TSGA10IP: variants seen among roughly 807,000 people sequenced by gnomAD.
TSGA10IP encodes testis-specific protein 10-interacting protein.
In TSGA10IP, 64 loss-of-function variants were observed where a neutral mutation model predicts 63.2. That is an observed-to-expected ratio of 1.01 (90% CI 0.83 to 1.25). The LOEUF is 1.25. TSGA10IP is among the 50% of genes most tolerant of loss of function. The pLI is 0.00. For missense variants in TSGA10IP, 681 were observed against 710.1 expected (o/e 0.96, Z 0.47); for synonymous variants, 316 against 298.3 (o/e 1.06, Z -0.61).
intron 5 of TSGA10IP, among the ~76,000 whole-genome samples, chr11:65,956,144 T>TTA (rs200569827): frequency 0.37 from 54,777 of 149,612 alleles, 11,854 homozygotes; most frequent in Admixed American, 0.54. Context: ...TCTTTTTTTT[T>TTA]TTTTTTTTTT....
At position 65,954,133 on chromosome 11, in the gene TSGA10IP, G is replaced by A. The variant is rs535423242; in HGVS notation, c.1322+396G>A. Among the ~76,000 whole-genome samples the A allele has an allele frequency of 1.1e-3, 167 of 151,954 alleles. 1 individual carries two copies. Among genetic ancestry groups the A allele is most frequent in the African/African-American group, 3.9e-3 (162 of 41,464 alleles). On this transcript the variant is annotated intron_variant, in intron 5 of 7. Coordinates refer to ENST00000532620, the Ensembl canonical transcript of TSGA10IP. ...ATTGTTCACAGTCAGCTGAAGAGTC[G>A]CGTTTTGTTCTCTTCCTATATTGTG...
intron 4 of TSGA10IP, among the ~76,000 whole-genome samples, chr11:65,951,038 T>C (rs1854933775): frequency 6.6e-6 from 1 of 152,376 alleles, no homozygotes; most frequent in Non-Finnish European, 1.5e-5. Flanking sequence ...TGGGATTTTC[T>C]TCTTTTTAAG....
intron 5 of TSGA10IP, among the ~76,000 whole-genome samples, chr11:65,958,108 C>T (rs1855056156): frequency 6.6e-6 from 1 of 152,140 alleles, no homozygotes. Flanking sequence ...TGCATACCAC[C>T]ATGTCTGGCT....
rs12800566 is a variant in TSGA10IP, at chr11:65,951,263, T to G, written c.1152-2304T>G. Among the ~76,000 whole-genome samples, 503 of 152,224 alleles carry G rather than the reference T, an allele frequency of 3.3e-3. 1 individual carries two copies. Among genetic ancestry groups the G allele is most frequent in the Admixed American group, 9.0e-3 (137 of 15,276 alleles). ...CATAGTAGTTCTACTTGTAATTTTT[T>G]GGGGAACCTTGATATTGTTTTCTAT... On this transcript the variant is annotated intron_variant, in intron 4 of 7. Transcript: ENST00000532620.
rs778814461 is a variant in TSGA10IP, at chr11:65,958,900, G to A, written c.1340G>A (p.Arg447His). The A allele has an allele frequency of 8.9e-5, 143 of 1,612,926 alleles. 1 individual carries two copies. Among genetic ancestry groups the A allele is most frequent in the South Asian group, 4.8e-4 (44 of 91,080 alleles). ...CCCTGCAGGCGCCAGGAGCGACAGCGCTTTGCTGAGTACCAGGCGGAGCTG... is the reference window on the plus strand; with the variant it reads ...CCCTGCAGGCGCCAGGAGCGACAGCACTTTGCTGAGTACCAGGCGGAGCTG... Residue 447 changes from arginine (R) to histidine (H), a missense_variant, in exon 6 of 8, where the codon CGC becomes CAC. By Grantham distance (29) the Arg-to-His change is conservative. Transcript: ENST00000532620.
exon 1 of TSGA10IP, chr11:65,945,803 C>A (rs770922079): frequency 1.2e-6 from 2 of 1,613,934 alleles, no homozygotes; most frequent in Non-Finnish European, 8.5e-7. Flanking sequence ...CTGCTGTCGA[C>A]CGTCTCTCAG....
intron 5 of TSGA10IP, among the ~76,000 whole-genome samples, chr11:65,957,323 G>A (rs1373126641): frequency 6.6e-6 from 1 of 152,140 alleles, no homozygotes; most frequent in East Asian, 1.9e-4. Context: ...GCTAACTTTT[G>A]TATTTTTAGT....
chr11:65,948,125 C>A lies in TSGA10IP; in HGVS notation c.1128C>A (p.Phe376Leu). ...CTGCCAACCTCCCTAATCGCACCTT[C>A]CACAAACGACAGGAAGCCACCAGGT... The change falls in exon 4 of 8, where the codon TTC becomes TTA. Residue 376 changes from phenylalanine to leucine, a missense_variant. By Grantham distance (22) the Phe-to-Leu change is conservative. Coordinates refer to ENST00000532620, the Ensembl canonical transcript of TSGA10IP. 1 of 1,603,486 alleles carries A rather than the reference C, an allele frequency of 6.2e-7. No homozygotes were observed. Among genetic ancestry groups the A allele is most frequent in the Non-Finnish European group, 8.5e-7 (1 of 1,175,022 alleles).
At chr11:65,946,275 A>G (rs1854831032) in intron 1 of TSGA10IP, among the ~76,000 whole-genome samples, 1 of 152,004 alleles carries the variant, frequency 6.6e-6, no homozygotes, top group African/African-American at 2.4e-5. Flanking sequence ...TCTCCTCCAC[A>G]TGATGGAGGT....
intron 1 of TSGA10IP, among the ~76,000 whole-genome samples, chr11:65,946,321 GGT>G (rs971379682): frequency 6.6e-6 from 1 of 152,132 alleles, no homozygotes; most frequent in African/African-American, 2.4e-5. Flanking sequence ...TCCTTGGGAA[GGT>G]TACGTGTGTT....
chr11:65,950,120 G>A (rs1200616135), intron 4 of TSGA10IP, among the ~76,000 whole-genome samples: 1 of 151,896 alleles, frequency 6.6e-6, no homozygotes, highest in Admixed American at 6.6e-5. Flanking sequence ...CAAAGTGCGG[G>A]GATCACAGGC....
Position 65,953,673 on chromosome 11 carries a change from GCAGCCTACGCACC to G in TSGA10IP, c.1262_1274del (p.Ala421GlufsTer16), listed in dbSNP as rs1221949084. On this transcript the variant is annotated frameshift_variant, in exon 5 of 8. Coordinates refer to ENST00000532620, the Ensembl canonical transcript of TSGA10IP. LOFTEE classifies it high-confidence loss of function. ...ACAGCGGCAGGTGGCCCACTGCCTG[GCAGCCTACGCACC>G]CAGAGGGAGCCGGGGCCCTGGGGCG... The G allele has an allele frequency of 1.9e-6, 3 of 1,590,682 alleles. No individual in the cohort carries two copies. In the Admixed American group the frequency reaches 5.1e-5, roughly 27 times the overall value.
chr11:65,958,951 C>T, exon 6 of TSGA10IP: 1 of 1,613,222 alleles, frequency 6.2e-7, no homozygotes, highest in South Asian at 1.1e-5. Flanking sequence ...AGGGTGCAGG[C>T]CCGGCCCTTC....
chr11:65,959,465 A>G (rs1159571481), intron 7 of TSGA10IP, among the ~76,000 whole-genome samples, 151 bp downstream of exon 7: 1 of 152,096 alleles, frequency 6.6e-6, no homozygotes, highest in Non-Finnish European at 1.5e-5. Context: ...CCTACTTCTC[A>G]ATGAGGAAAC....
At chr11:65,958,050 C>T (rs1855055239) in intron 5 of TSGA10IP, among the ~76,000 whole-genome samples, 1 of 152,186 alleles carries the variant, frequency 6.6e-6, no homozygotes, top group Non-Finnish European at 1.5e-5. Context: ...ACCTCCGAGG[C>T]TCAAGCGATC....
At chr11:65,959,039 G>C (rs1855072941) in intron 6 of TSGA10IP, 57 bp downstream of exon 6, 4 of 1,594,782 alleles carry the variant, frequency 2.5e-6, no homozygotes, top group Non-Finnish European at 3.4e-6. Flanking sequence ...CTGGCTGAGT[G>C]GGTAGGGAAG....
intron 5 of TSGA10IP, 62 bp downstream of exon 5, chr11:65,953,799 CAGTCTACAGGACCGAGGAGCA>C: frequency 4.0e-5 from 55 of 1,368,426 alleles, no homozygotes; most frequent in Non-Finnish European, 5.1e-5. Flanking sequence ...TGTCAGGTCT[CAGTCTACAGGACCGAGGAGCA>C]CCAGCCCTCG....
At chr11:65,952,208 A>G (rs576952867) in intron 4 of TSGA10IP, among the ~76,000 whole-genome samples, 2 of 152,108 alleles carry the variant, frequency 1.3e-5, no homozygotes, top group African/African-American at 4.8e-5. Context: ...TTGAGTTCAC[A>G]TATTTTGGAT....
Position 65,945,698 on chromosome 11 carries a change from TA to T in TSGA10IP, c.26del (p.Asn9IlefsTer161). Reference sequence around the variant, plus strand: ...AGGATGGGGCAGGACACCGATATGCTAAATACCTACCAACAGTTGGTTAGGA... The same window carrying T: ...AGGATGGGGCAGGACACCGATATGCTAATACCTACCAACAGTTGGTTAGGA... On this transcript the variant is annotated frameshift_variant, in exon 1 of 8. Transcript: ENST00000532620. LOFTEE classifies it high-confidence loss of function. 3.1e-6 allele frequency: 5 copies of T among 1,613,886 alleles called. No homozygotes were observed. The highest frequency in any genetic ancestry group is 3.4e-6 in the Non-Finnish European group (4 of 1,179,868).
Sources: allele counts gnomAD v4.1 joint callset (sites outside exome capture counted in the v4.1 genomes callset), GRCh38; gene constraint gnomAD v4.1.1; transcripts MANE v1.5; gene names NCBI Gene and HGNC (gene_info 2026-07-23, HGNC 2026-07-21).